Variants in BST2 observed in about 807,000 individuals in gnomAD.
BST2 encodes the protein bone marrow stromal antigen 2.
BST2 carries 10 observed loss-of-function variants against 18.6 expected under a neutral mutation model. That is an observed-to-expected ratio of 0.54 (90% CI 0.33 to 0.91). BST2 has a LOEUF of 0.91. Among genes scored for constraint, BST2 ranks in the 40% least tolerant of loss-of-function variants. The pLI is 0.02. For synonymous variants in BST2, 75 were observed against 96.8 expected, an observed-to-expected ratio of 0.77 and a Z score of 1.32; for missense variants, 183 against 228.4, an observed-to-expected ratio of 0.80 and a Z score of 1.28.
chr19:17,404,137 C>G lies in BST2; in HGVS notation c.405G>C (p.Glu135Asp). ...GGAAGGCTATCTCTGACCTCAGTCGCTCCACCTCTGCAGACGCGTCCTGAA... is the reference window on the plus strand; with the variant it reads ...GGAAGGCTATCTCTGACCTCAGTCGGTCCACCTCTGCAGACGCGTCCTGAA... ...HKLQDASAEVERLRRENQVLS... is the reference protein window; with the variant it reads ...HKLQDASAEVDRLRRENQVLS... The change falls in exon 3 of 5, where the codon GAG (glutamate) becomes GAC (aspartate). Residue 135 changes from glutamate to aspartate, a missense_variant. Coordinates refer to ENST00000252593, the MANE Select transcript of BST2 (RefSeq NM_004335.4). 1 of 1,590,768 alleles carries G rather than the reference C, an allele frequency of 6.3e-7. No individual in the cohort carries two copies. Among genetic ancestry groups the G allele is most frequent in the African/African-American group, 1.3e-5 (1 of 74,436 alleles).
At chr19:17,403,422 C>T in intron 4 of BST2, 96 bp from the exon 5 acceptor site, 1 of 897,124 alleles carries the variant, frequency 1.1e-6, no homozygotes, top group Non-Finnish European at 1.3e-6. Flanking sequence ...ATCGCTAGAC[C>T]CGCCCCACCC....
chr19:17,403,591 C>CCT, intron 4 of BST2, 89 bp downstream of exon 4: 2 of 1,492,306 alleles, frequency 1.3e-6, no homozygotes, highest in South Asian at 2.6e-5. Flanking sequence ...TCCCCTGCAG[C>CCT]CTCTCTCTCT....
At chr19:17,405,188 C>T in intron 1 of BST2, 103 bp downstream of exon 1, 1 of 1,400,090 alleles carries the variant, frequency 7.1e-7, no homozygotes, top group Middle Eastern at 2.6e-4. Flanking sequence ...AGGACCTCCC[C>T]TGCATCTCCC....
Position 17,403,857 on chromosome 19 carries a change from C to T in BST2, c.414-33G>A, listed in dbSNP as rs769108293. On this transcript the variant is annotated intron_variant, in intron 3 of 4. Transcript: ENST00000252593. ...ACAGATGGCAAATCAGGCATCTGCT[C>T]GTCCTGGCTCCTGCCGCCCTCCCTG... The T allele has an allele frequency of 3.1e-6, 5 of 1,600,074 alleles. No homozygotes were observed. The African/African-American group carries it at 5.4e-5, about 17-fold the overall frequency.
Position 17,404,442 on chromosome 19 carries a change from G to A in BST2, c.286-5C>T. On this transcript the variant is annotated splice_polypyrimidine_tract_variant and splice_region_variant and intron_variant, in intron 1 of 4. Transcript: ENST00000252593. Reference sequence around the variant, plus strand: ...CAGGGAAGCCATTAGGGCCATCTAAGAAGAGTTAGAATCTGGGGTTTTGGC... The same window carrying A: ...CAGGGAAGCCATTAGGGCCATCTAAAAAGAGTTAGAATCTGGGGTTTTGGC... 6.2e-7 allele frequency: 1 copy of A among 1,614,078 alleles called. No homozygotes were observed. Among genetic ancestry groups the A allele is most frequent in the South Asian group, 1.1e-5 (1 of 91,070 alleles).
chr19:17,403,465 C>T (rs1208015605), intron 4 of BST2, 139 bp from the exon 5 acceptor site: 2 of 759,218 alleles, frequency 2.6e-6, no homozygotes, highest in Non-Finnish European at 3.3e-6. Flanking sequence ...TCGATAGACC[C>T]GCCCCCATTG....
chr19:17,403,530 A>C, intron 4 of BST2, 150 bp downstream of exon 4: 2 of 1,008,462 alleles, frequency 2.0e-6, no homozygotes, highest in Admixed American at 4.5e-5. Context: ...CATCCTTCTC[A>C]CTGGATTCTC....
rs1339112302 is a variant in BST2, at chr19:17,404,150, G to C, written c.392C>G (p.Ser131Cys). The stretch of plus-strand genomic sequence containing the variant: ...TGACCTCAGTCGCTCCACCTCTGCA[G>C]ACGCGTCCTGAAGCTTATGGTTTAA... ...TTLNHKLQDA[S>C]AEVERLRREN... Residue 131 changes from serine (S) to cysteine (C), a missense_variant, in exon 3 of 5, where the codon TCT (serine) becomes TGT (cysteine). Ser to Cys is a moderately radical substitution (Grantham distance 112, BLOSUM62 -1). Coordinates refer to ENST00000252593, the MANE Select transcript of BST2 (RefSeq NM_004335.4). 1 of 1,597,040 alleles carries C rather than the reference G, an allele frequency of 6.3e-7. No individual in the cohort carries two copies. Among genetic ancestry groups the C allele is most frequent in the Non-Finnish European group, 8.5e-7 (1 of 1,171,658 alleles).
Position 17,403,204 on chromosome 19 carries a change from C to A in BST2, c.*138G>T. On this transcript the variant is annotated 3_prime_UTR_variant, in exon 5 of 5. Coordinates refer to ENST00000252593, the MANE Select transcript of BST2 (RefSeq NM_004335.4). ...GGCCCCTCCAGACCTGCTCCAGAGG[C>A]CCTTCTCCGGCTACCCCGTGCTCTC... The A allele has an allele frequency of 1.0e-6, 1 of 994,632 alleles. No individual in the cohort carries two copies. The highest frequency in any genetic ancestry group is 1.7e-5 in the African/African-American group (1 of 57,384). 61.6% of individuals were successfully genotyped at this position (994,632 alleles called of 1,614,324 possible).
intron 1 of BST2, among the ~76,000 whole-genome samples, chr19:17,404,796 G>A (rs1268096189): frequency 2.6e-5 from 4 of 152,230 alleles, no homozygotes; most frequent in Non-Finnish European, 2.9e-5. Flanking sequence ...GGATTTCCCC[G>A]CCCAAGTGAC....
At position 17,403,014 on chromosome 19, in the gene BST2, C is replaced by A; in HGVS notation, c.*328G>T. 3.0e-6 allele frequency: 3 copies of A among 984,008 alleles called. No individual in the cohort carries two copies. The South Asian group carries it at 1.4e-4, about 46-fold the overall frequency. 61.0% of individuals were successfully genotyped at this position (984,008 alleles called of 1,614,324 possible). ...CCCCAGAAAAAAGCAACCCCCCCCG[C>A]AAAAAAAACCCATAACAACAGGCAG... is the stretch of plus-strand genomic sequence containing the variant. On this transcript the variant is annotated 3_prime_UTR_variant, in exon 5 of 5. Coordinates refer to ENST00000252593, the MANE Select transcript of BST2 (RefSeq NM_004335.4).
At chr19:17,403,607 TC>T (rs1485473758) in intron 4 of BST2, 72 bp downstream of exon 4, 4 of 1,544,776 alleles carry the variant, frequency 2.6e-6, no homozygotes, top group Non-Finnish European at 3.5e-6. Context: ...TCTCTAGACT[TC>T]GGAGCCTCTG....
chr19:17,404,458 G>A, intron 1 of BST2, 21 bp from the exon 2 acceptor site: 1 of 1,614,098 alleles, frequency 6.2e-7, no homozygotes, highest in East Asian at 2.2e-5. Flanking sequence ...TTAGAATCTG[G>A]GGTTTTGGCC....
At chr19:17,403,614 C>G in intron 4 of BST2, 66 bp downstream of exon 4, 1 of 1,561,148 alleles carries the variant, frequency 6.4e-7, no homozygotes, top group Non-Finnish European at 8.6e-7. Flanking sequence ...ACTTCGGAGC[C>G]TCTGCTTCCC....
rs1237172832 is a variant in BST2, at chr19:17,403,757, T to A, written c.481A>T (p.Ser161Cys). The change falls in exon 4 of 5, where the codon AGC becomes TGC. Residue 161 changes from serine (S) to cysteine (C), a missense_variant. By Grantham distance (112) the Ser-to-Cys change is moderately radical (BLOSUM62 -1). Coordinates refer to ENST00000252593, the MANE Select transcript of BST2 (RefSeq NM_004335.4). ...AGCAGCTGGGGCGCCGCAGCGGAGC[T>A]GGAGTCCTGGGAGCTGGGGTAGTAC... ...KKYYPSSQDS[S>C]SAAAPQLLIV... 1 of 1,613,948 alleles carries A rather than the reference T, an allele frequency of 6.2e-7. No homozygotes were observed. The highest frequency in any genetic ancestry group is 8.5e-7 in the Non-Finnish European group (1 of 1,179,980).
chr19:17,405,200 G>A (rs943420642), intron 1 of BST2, 91 bp downstream of exon 1: 3 of 1,436,984 alleles, frequency 2.1e-6, no homozygotes, highest in African/African-American at 2.9e-5. Context: ...GCATCTCCCT[G>A]GAGACCCACC....
intron 3 of BST2, 62 bp downstream of exon 3, chr19:17,404,067 A>T (rs1286240500): frequency 1.3e-6 from 2 of 1,503,080 alleles, no homozygotes; most frequent in Admixed American, 3.9e-5. Context: ...GTCTTGGGCT[A>T]GGGATGTGGG....
At chr19:17,404,241 T>C in intron 2 of BST2, 52 bp from the exon 3 acceptor site, 1 of 1,578,608 alleles carries the variant, frequency 6.3e-7, no homozygotes. Flanking sequence ...GTGGCCATGC[T>C]GGGGCCCTGC....
intron 4 of BST2, 30 bp downstream of exon 4, chr19:17,403,650 C>T (rs2074708736): frequency 6.3e-7 from 1 of 1,593,452 alleles, no homozygotes. Flanking sequence ...GCTTTCTTCT[C>T]CCTCCCGGGG....
Sources: gnomAD v4.1 joint callset for allele counts (sites outside exome capture counted in the v4.1 genomes callset) on GRCh38, gnomAD v4.1.1 for gene constraint, MANE v1.5 for transcripts, NCBI Gene and HGNC (gene_info 2026-07-23, HGNC 2026-07-21) for gene names.